The following ADAMTS8 variants were observed in gnomAD, a reference collection of about 807,000 sequenced individuals.
The protein encoded by ADAMTS8 is ADAM metallopeptidase with thrombospondin type 1 motif 8, also known as A disintegrin and metalloproteinase with thrombospondin motifs 8.
A neutral mutation model predicts 64.4 loss-of-function variants in ADAMTS8; 50 were observed. The observed-to-expected ratio is 0.78, with a 90% confidence interval of 0.62 to 0.98. The LOEUF is 0.98. Ranked by LOEUF, ADAMTS8 falls within the 50% of genes least tolerant of loss-of-function variation. ADAMTS8 has a pLI of 0.00. For missense variants in ADAMTS8, 1,192 were observed against 1,208.2 expected, an observed-to-expected ratio of 0.99 and a Z score of 0.20; for synonymous variants, 556 against 533.6, an observed-to-expected ratio of 1.04 and a Z score of -0.58.
In ADAMTS8 at chr11:130,428,526, G is replaced by C. The variant is rs978734610; in HGVS notation, c.-240C>G. On this transcript the variant is annotated 5_prime_UTR_variant, in exon 1 of 9. Coordinates refer to ENST00000257359, the MANE Select transcript of ADAMTS8 (RefSeq NM_007037.6). ...GAGCCGAGCGCGAGCAGCTGGCCCC[G>C]GCCCGCGTGCGCCCGTCCTCCGCCC... The C allele has an allele frequency of 1.4e-5, 12 of 865,648 alleles. No individual in the cohort carries two copies. The highest frequency in any genetic ancestry group is 1.2e-4 in the East Asian group (1 of 8,188). 53.6% of individuals were successfully genotyped at this position (865,648 alleles called of 1,614,324 possible).
chr11:130,428,568 C>T lies in ADAMTS8; in HGVS notation c.-282G>A, dbSNP rs1473454439. On this transcript the variant is annotated 5_prime_UTR_variant, in exon 1 of 9. Coordinates refer to ENST00000257359, the MANE Select transcript of ADAMTS8 (RefSeq NM_007037.6). ...CCTCCGCCCCTGCCCGCGCCAGCCC[C>T]GCGCAGCCGCCTCCTGCCTCCTCCC... 4.4e-5 allele frequency: 22 copies of T among 503,682 alleles called. No homozygotes were observed. Among genetic ancestry groups the T allele is most frequent in the Admixed American group, 1.9e-4 (3 of 15,588 alleles). 31.2% of individuals were successfully genotyped at this position (503,682 alleles called of 1,614,324 possible). A position where few individuals can be genotyped will look rare whatever the true frequency, so the allele number is the denominator to read the frequency against.
At position 130,411,512 on chromosome 11, in the gene ADAMTS8, T is replaced by A; in HGVS notation, c.1655A>T (p.Glu552Val). Residue 552 changes from glutamate (E) to valine (V), a missense_variant, in exon 6 of 9, where the codon GAG (glutamate) becomes GTG (valine). By Grantham distance (121) the Glu-to-Val change is moderately radical (BLOSUM62 -2). Around this residue, in one of 5 missense-constraint regions of ADAMTS8, gnomAD observed 290 missense variants for 297.8 expected, o/e 0.97. Coordinates refer to ENST00000257359, the MANE Select transcript of ADAMTS8 (RefSeq NM_007037.6). This position sits in a 1 kb window ranked among gnomAD's most constrained non-coding sequence, Gnocchi z 4.2. ...ATTCTGAGGCTCGGGGTCCTTGCAC[T>A]CACGGTGTGAAAACTGTACTCCTCC... The part of the protein sequence containing the change: ...CGGGVQFSHR[E>V]CKDPEPQNGG... The A allele has an allele frequency of 6.2e-7, 1 of 1,614,206 alleles. No homozygotes were observed. Among genetic ancestry groups the A allele is most frequent in the Non-Finnish European group, 8.5e-7 (1 of 1,180,032 alleles).
chr11:130,405,449 C>T lies in ADAMTS8; in HGVS notation c.*109G>A. The T allele has an allele frequency of 4.0e-6, 6 of 1,497,278 alleles. No individual in the cohort carries two copies. In the South Asian group the frequency reaches 6.8e-5, roughly 17 times the overall value. 92.7% of individuals were successfully genotyped at this position (1,497,278 alleles called of 1,614,324 possible). A position where few individuals can be genotyped will look rare whatever the true frequency, so the allele number is the denominator to read the frequency against. On this transcript the variant is annotated 3_prime_UTR_variant, in exon 9 of 9. Transcript: ENST00000257359. ...TGCGGCAATGGGAGGCCTGGGTGGGCCGTGCTGCCTTGATATGGCCAAGGG... is the reference window on the plus strand; with the variant it reads ...TGCGGCAATGGGAGGCCTGGGTGGGTCGTGCTGCCTTGATATGGCCAAGGG...
Position 130,417,057 on chromosome 11 carries a change from C to T in ADAMTS8, c.979G>A (p.Gly327Arg), listed in dbSNP as rs1862036191. ...GCCACACCCAGGGTGTCACACAGCC[C>T]CTCCTGCCCACAGAAGTTCTGCGTG... ...LTRQNFCGQE[G>R]LCDTLGVADI... is the part of the protein sequence containing the mutation. Residue 327 changes from glycine to arginine, a missense_variant, in exon 3 of 9, where the codon GGG (glycine) becomes AGG (arginine). By Grantham distance (125) the Gly-to-Arg change is moderately radical. Transcript: ENST00000257359. 1 of 1,613,922 alleles carries T rather than the reference C, an allele frequency of 6.2e-7. No individual in the cohort carries two copies. The highest frequency in any genetic ancestry group is 8.5e-7 in the Non-Finnish European group (1 of 1,179,998).
intron 1 of ADAMTS8, among the ~76,000 whole-genome samples, chr11:130,426,158 C>T (rs932063194): frequency 2.6e-5 from 4 of 152,210 alleles, no homozygotes; most frequent in South Asian, 2.1e-4. Flanking sequence ...TGCAGGGGTG[C>T]GTCCCTGGGG....
intron 1 of ADAMTS8, among the ~76,000 whole-genome samples, chr11:130,419,714 G>A (rs140075927): frequency 1.9e-3 from 289 of 152,262 alleles, no homozygotes; most frequent in African/African-American, 6.5e-3. Flanking sequence ...AAGTTCTACT[G>A]GACGGCATGG....
chr11:130,414,402 C>G (rs1592130780), intron 5 of ADAMTS8, 129 bp downstream of exon 5: 3 of 1,198,416 alleles, frequency 2.5e-6, no homozygotes, highest in East Asian at 2.6e-5. Flanking sequence ...GTGTGAGCCG[C>G]TCTGCCTGGC....
intron 8 of ADAMTS8, among the ~76,000 whole-genome samples, chr11:130,407,663 C>A (rs1481713748): frequency 6.6e-6 from 1 of 152,178 alleles, no homozygotes; most frequent in East Asian, 1.9e-4. Context: ...AGAGTGTGGC[C>A]CATATAAAAC....
intron 1 of ADAMTS8, among the ~76,000 whole-genome samples, chr11:130,424,760 C>T (rs1247978739): frequency 1.3e-5 from 2 of 152,148 alleles, no homozygotes; most frequent in Admixed American, 6.5e-5. Context: ...TCACGCCTGT[C>T]CTGCAGCATC....
chr11:130,414,949 A>G, intron 4 of ADAMTS8, 117 bp from the exon 5 acceptor site: 1 of 1,110,674 alleles, frequency 9.0e-7, no homozygotes, highest in East Asian at 2.6e-5. Context: ...CTTGACCTCC[A>G]ACTAAAAGCT....
At position 130,427,762 on chromosome 11, in the gene ADAMTS8, C is replaced by T. The variant is rs780176141; in HGVS notation, c.525G>A (p.Gln175=). 1 of 1,595,008 alleles carries T rather than the reference C, an allele frequency of 6.3e-7. No homozygotes were observed. The highest frequency in any genetic ancestry group is 1.3e-5 in the African/African-American group (1 of 74,280). Residue 175 remains glutamine (Q), a synonymous_variant, in exon 1 of 9, where the codon CAG becomes CAA. Coordinates refer to ENST00000257359, the MANE Select transcript of ADAMTS8 (RefSeq NM_007037.6). ...PEWEVETGEG[Q]RQERGDHQED... Reference sequence around the variant, plus strand: ...CCTGGTGGTCTCCTCTCTCCTGCCTCTGACCCTCTCCCGTCTCCACCTCCC... The same window carrying T: ...CCTGGTGGTCTCCTCTCTCCTGCCTTTGACCCTCTCCCGTCTCCACCTCCC...
At chr11:130,427,292 G>C (rs1020888656) in intron 1 of ADAMTS8, among the ~76,000 whole-genome samples, 3 of 152,170 alleles carry the variant, frequency 2.0e-5, no homozygotes, top group African/African-American at 7.2e-5. Flanking sequence ...ATTCGGATGA[G>C]AGGGATGGGC....
intron 1 of ADAMTS8, among the ~76,000 whole-genome samples, chr11:130,422,497 C>T (rs1862113335): frequency 1.3e-5 from 2 of 152,126 alleles, no homozygotes; most frequent in Admixed American, 1.3e-4. Context: ...CCTTGCGGCG[C>T]GCCTGGGGGG....
intron 5 of ADAMTS8, among the ~76,000 whole-genome samples, chr11:130,413,628 G>A (rs150129812): frequency 6.6e-6 from 1 of 152,222 alleles, no homozygotes; most frequent in East Asian, 1.9e-4. Flanking sequence ...ACCCTCACTG[G>A]CACTGCCTTG....
intron 4 of ADAMTS8, 29 bp from the exon 5 acceptor site, chr11:130,414,861 A>G: frequency 6.4e-7 from 1 of 1,572,778 alleles, no homozygotes; most frequent in South Asian, 1.2e-5. Context: ...GGGGTGTAAG[A>G]ACATGCACAG....
chr11:130,414,395 T>G, intron 5 of ADAMTS8, 136 bp downstream of exon 5: 22 of 1,118,258 alleles, frequency 2.0e-5, no homozygotes, highest in Non-Finnish European at 2.6e-5. Context: ...GATTCCAGTG[T>G]GAGCCGCTCT....
chr11:130,406,778 G>A (rs78191172), intron 8 of ADAMTS8, among the ~76,000 whole-genome samples: 222 of 152,328 alleles, frequency 1.5e-3, no homozygotes, highest in African/African-American at 5.2e-3. Flanking sequence ...AGCAGTTTTG[G>A]GAAACTGTTT....
At chr11:130,406,576 C>A (rs1861887886) in intron 8 of ADAMTS8, among the ~76,000 whole-genome samples, 1 of 152,200 alleles carries the variant, frequency 6.6e-6, no homozygotes, top group Non-Finnish European at 1.5e-5. Context: ...TCCACACACC[C>A]CTTCCAGAAC....
chr11:130,428,320 G>C lies in ADAMTS8; in HGVS notation c.-34C>G. 1 of 1,259,868 alleles carries C rather than the reference G, an allele frequency of 7.9e-7. No homozygotes were observed. Among genetic ancestry groups the C allele is most frequent in the Non-Finnish European group, 1.0e-6 (1 of 994,250 alleles). The allele number at this position is 1,259,868 out of a possible 1,614,324, so 78.0% of individuals were successfully genotyped here. On this transcript the variant is annotated 5_prime_UTR_variant, in exon 1 of 9. Coordinates refer to ENST00000257359, the MANE Select transcript of ADAMTS8 (RefSeq NM_007037.6). Reference sequence around the variant, plus strand: ...CGGCGGTGGCTGCGCGCAGGAGAGGGAAGAAGCCCGCCAGGCGCGGGCAGG... The same window carrying C: ...CGGCGGTGGCTGCGCGCAGGAGAGGCAAGAAGCCCGCCAGGCGCGGGCAGG...
Sources: allele counts gnomAD v4.1 joint callset (sites outside exome capture counted in the v4.1 genomes callset), GRCh38; gene constraint gnomAD v4.1.1; regional missense constraint gnomAD v4.1.1; non-coding constraint Gnocchi (gnomAD v3.1); transcripts MANE v1.5; gene names NCBI Gene and HGNC (gene_info 2026-07-23, HGNC 2026-07-21).